Variants in ADAMTSL1 observed in about 807,000 individuals in gnomAD.
ADAMTSL1 encodes ADAMTS-like protein 1.
A neutral mutation model predicts 201.8 loss-of-function variants in ADAMTSL1; 126 were observed. The ratio of observed to expected loss-of-function variants is 0.62; its 90% CI spans 0.54 to 0.72. The LOEUF is 0.72. ADAMTSL1 is among the 30% of genes least tolerant of loss of function. ADAMTSL1 has a pLI of 0.00. For missense variants in ADAMTSL1, 2,679 were observed against 2,277.8 expected, an observed-to-expected ratio of 1.18 and a Z score of -3.59; for synonymous variants, 1,121 against 903.4, an observed-to-expected ratio of 1.24 and a Z score of -4.32.
chr9:18,352,296 T>G (rs1234701555), intron 2 of ADAMTSL1, among the ~76,000 whole-genome samples: 1 of 152,166 alleles, frequency 6.6e-6, no homozygotes, highest in Non-Finnish European at 1.5e-5. Flanking sequence ...TGTTACTATA[T>G]ATGGGGGAAA....
intron 2 of ADAMTSL1, among the ~76,000 whole-genome samples, chr9:18,232,770 G>GTT (rs1311168260): frequency 2.6e-5 from 4 of 152,142 alleles, no homozygotes; most frequent in Non-Finnish European, 5.9e-5. Context: ...TCATCATGAT[G>GTT]TTTTCTGGCA....
intron 23 of ADAMTSL1, among the ~76,000 whole-genome samples, chr9:18,875,417 C>A (rs1828088436): frequency 6.6e-6 from 1 of 152,104 alleles, no homozygotes; most frequent in South Asian, 2.1e-4. Flanking sequence ...TTAGCACCAC[C>A]TTTGCTGTAT....
At chr9:18,283,299 T>A (rs1207995271) in intron 2 of ADAMTSL1, among the ~76,000 whole-genome samples, 2 of 152,140 alleles carry the variant, frequency 1.3e-5, no homozygotes, top group African/African-American at 4.8e-5. Flanking sequence ...TATTTTTCCA[T>A]CCTTTTACTT....
rs550344277 is a variant in ADAMTSL1 at position 18,399,048 on chromosome 9, G to C, written c.208-105781G>C. ...ACACATACCACAGAGCCACTTATGT[G>C]CTAGTTAGATGTTCTCTCCTGGGGT... On this transcript the variant is annotated intron_variant, in intron 2 of 29. Coordinates refer to the ADAMTSL1 transcript ENST00000680146. Among the ~76,000 whole-genome samples the C allele has an allele frequency of 2.0e-5, 3 of 151,776 alleles. No individual in the cohort carries two copies. The East Asian group carries it at 5.9e-4, about 30-fold the overall frequency.
intron 11 of ADAMTSL1, 115 bp from the exon 12 acceptor site, chr9:18,681,697 T>TGTGTGTGTG (rs370940110): frequency 2.1e-5 from 5 of 240,318 alleles, no homozygotes; most frequent in African/African-American, 1.3e-4. Context: ...AGTCCTCGTG[T>TGTGTGTGTG]GGGGGGGGGG....
At chr9:18,242,647 T>C (rs1039034373) in intron 2 of ADAMTSL1, among the ~76,000 whole-genome samples, 6 of 152,088 alleles carry the variant, frequency 3.9e-5, no homozygotes, top group African/African-American at 1.4e-4. Flanking sequence ...TTTAAATAAA[T>C]TGATGCACTA....
intron 5 of ADAMTSL1, among the ~76,000 whole-genome samples, chr9:18,623,014 A>G (rs528205049): frequency 6.6e-6 from 1 of 152,160 alleles, no homozygotes; most frequent in Admixed American, 6.5e-5. Flanking sequence ...TCTTGCCTCA[A>G]CCTTGCAAGT....
At chr9:18,837,317 G>A (rs927101363) in intron 23 of ADAMTSL1, among the ~76,000 whole-genome samples, 5 of 152,076 alleles carry the variant, frequency 3.3e-5, no homozygotes, top group Non-Finnish European at 7.4e-5. Context: ...TATACATATG[G>A]ACATCTAACT....
chr9:18,791,148 ATC>A (rs950531840), intron 19 of ADAMTSL1, among the ~76,000 whole-genome samples: 11 of 152,100 alleles, frequency 7.2e-5, no homozygotes, highest in Non-Finnish European at 1.6e-4. Context: ...TTTTCCAGGA[ATC>A]TCTCTCTCTA....
intron 2 of ADAMTSL1, among the ~76,000 whole-genome samples, chr9:18,179,419 C>A (rs1370871732): frequency 6.6e-6 from 1 of 152,174 alleles, no homozygotes; most frequent in South Asian, 2.1e-4. Flanking sequence ...CTGAAAGTGA[C>A]GGGGAGAATG....
chr9:18,071,849 G>T (rs944293638), intron 1 of ADAMTSL1, among the ~76,000 whole-genome samples: 2 of 152,180 alleles, frequency 1.3e-5, no homozygotes, highest in African/African-American at 4.8e-5. Flanking sequence ...GAGAGATATT[G>T]TGAAGGGTGC....
intron 5 of ADAMTSL1, among the ~76,000 whole-genome samples, chr9:18,626,886 C>T (rs571907037): frequency 0.15 from 19,623 of 129,286 alleles, 1,492 homozygotes; most frequent in Admixed American, 0.21. Flanking sequence ...TTCCTTCCTT[C>T]CTTCCTTCCT....
At chr9:18,747,782 C>G (rs1819233557) in intron 15 of ADAMTSL1, among the ~76,000 whole-genome samples, 1 of 152,130 alleles carries the variant, frequency 6.6e-6, no homozygotes, top group African/African-American at 2.4e-5. Flanking sequence ...CTGCCCAGCC[C>G]AAGTTCAAGG....
chr9:17,955,877 A>G (rs1193458156), intron 1 of ADAMTSL1, among the ~76,000 whole-genome samples: 1 of 152,300 alleles, frequency 6.6e-6, no homozygotes, highest in African/African-American at 2.4e-5. Flanking sequence ...GGTTCTTAGG[A>G]TATGTCTCCT....
intron 23 of ADAMTSL1, among the ~76,000 whole-genome samples, chr9:18,858,139 A>G (rs1272234142): frequency 1.3e-5 from 2 of 152,198 alleles, no homozygotes; most frequent in Non-Finnish European, 2.9e-5. Context: ...ACATTGAGTC[A>G]TGAGTCCTCC....
rs552782979 is a variant in ADAMTSL1, at chr9:18,753,607, G to A, written c.2217+99G>A. On this transcript the variant is annotated intron_variant, in intron 16 of 28. Coordinates refer to ENST00000380548, the MANE Select transcript of ADAMTSL1 (RefSeq NM_001040272.6). Reference sequence around the variant, plus strand: ...GTGGTTTTGTCCAGGGATGTTAAAGGGATGTTCAAGATCTGCTCATTTCTC... The same window carrying A: ...GTGGTTTTGTCCAGGGATGTTAAAGAGATGTTCAAGATCTGCTCATTTCTC... The A allele has an allele frequency of 5.3e-6, 7 of 1,314,070 alleles. No individual in the cohort carries two copies. In the South Asian group the frequency reaches 8.9e-5, roughly 17 times the overall value. 81.4% of individuals were successfully genotyped at this position (1,314,070 alleles called of 1,614,324 possible). A position where few individuals can be genotyped will look rare whatever the true frequency, so the allele number is the denominator to read the frequency against.
At chr9:18,409,383 C>CAAAAAAAAAA (rs781106126) in intron 2 of ADAMTSL1, among the ~76,000 whole-genome samples, 12 of 77,202 alleles carry the variant, frequency 1.6e-4, no homozygotes, top group Admixed American at 3.1e-4. Flanking sequence ...AACTCCGTCT[C>CAAAAAAAAAA]AAAAAAAAAA....
chr9:18,164,847 CAT>C (rs1419056741), intron 2 of ADAMTSL1, among the ~76,000 whole-genome samples: 1 of 151,898 alleles, frequency 6.6e-6, no homozygotes, highest in African/African-American at 2.4e-5. Flanking sequence ...TATTGTGTCA[CAT>C]GTGTTTCTTT....
intron 2 of ADAMTSL1, among the ~76,000 whole-genome samples, chr9:18,259,747 G>A (rs1476974424): frequency 1.3e-5 from 2 of 152,162 alleles, no homozygotes; most frequent in Non-Finnish European, 2.9e-5. Flanking sequence ...TAATGCGCTT[G>A]TAAGATGAAA....
Sources: gnomAD v4.1 joint callset for allele counts (sites outside exome capture counted in the v4.1 genomes callset) on GRCh38, gnomAD v4.1.1 for gene constraint, MANE v1.5 for transcripts, NCBI Gene and HGNC (gene_info 2026-07-23, HGNC 2026-07-21) for gene names.